Variants in RAI1 observed in about 807,000 individuals in gnomAD.
The protein encoded by RAI1 is retinoic acid-induced protein 1.
In RAI1, 9 loss-of-function variants were observed where a neutral mutation model predicts 123.8. The ratio of observed to expected loss-of-function variants is 0.07; its 90% CI spans 0.04 to 0.13. The LOEUF (loss-of-function observed/expected upper bound fraction) is 0.13. Among genes scored for constraint, RAI1 ranks in the 10% least tolerant of loss-of-function variants. RAI1 has a pLI of 1.00. For synonymous variants in RAI1, 1,231 were observed against 1,127.3 expected (o/e 1.09, Z -1.84); for missense variants, 2,256 against 2,545.8 (o/e 0.89, Z 2.45).
intron 2 of RAI1, among the ~76,000 whole-genome samples, chr17:17,752,342 C>A (rs974659376): frequency 2.6e-5 from 4 of 152,164 alleles, no homozygotes; most frequent in Admixed American, 2.0e-4. Context: ...AGGGGCGGGG[C>A]GGGGTGAGCG....
chr17:17,809,691 C>T lies in RAI1; in HGVS notation c.5709+252C>T, dbSNP rs1478971361. Among the ~76,000 whole-genome samples, 4 of 152,204 alleles carry T rather than the reference C, an allele frequency of 2.6e-5. No homozygotes were observed. The highest frequency in any genetic ancestry group is 1.9e-4 in the East Asian group (1 of 5,146). On this transcript the variant is annotated intron_variant, in intron 5 of 5. Coordinates refer to ENST00000353383, the MANE Select transcript of RAI1 (RefSeq NM_030665.4). The surrounding 1 kb of genome is among the most constrained non-coding windows in gnomAD (Gnocchi z 4.9). ...GCATGGGCAGCCAGGGGCTGGAGGG[C>T]GTCCCTGGGACGGCCTCCCTGCAGC...
intron 2 of RAI1, among the ~76,000 whole-genome samples, chr17:17,743,893 C>A (rs889119946): frequency 5.3e-5 from 8 of 152,224 alleles, no homozygotes; most frequent in Non-Finnish European, 1.2e-4. Flanking sequence ...CACTCTGCAG[C>A]CCCTGGCTGG....
chr17:17,763,980 G>T (rs2030814419), intron 2 of RAI1, among the ~76,000 whole-genome samples: 1 of 152,254 alleles, frequency 6.6e-6, no homozygotes, highest in East Asian at 1.9e-4. Flanking sequence ...GTGTACAGAT[G>T]CATGGAGCTT....
Position 17,795,685 on chromosome 17 carries a change from G to A in RAI1, c.2737G>A (p.Gly913Ser), listed in dbSNP as rs770243642. ...GGAGGAGGTGCTGGACTCCAAGGCC[G>A]GCTGGGGCTCTCCGTGCCACCTCTC... is the stretch of plus-strand genomic sequence containing the variant. The part of the protein sequence containing the change: ...EVEEVLDSKA[G>S]WGSPCHLSGE... The change falls in exon 3 of 6, where the codon GGC becomes AGC. Residue 913 changes from glycine (G) to serine (S), a missense_variant. By Grantham distance (56) the Gly-to-Ser change is moderately conservative. Transcript: ENST00000353383. This position sits in a 1 kb window ranked among gnomAD's most constrained non-coding sequence, Gnocchi z 5.9. 1.3e-5 allele frequency: 21 copies of A among 1,613,160 alleles called. No homozygotes were observed. The highest frequency in any genetic ancestry group is 7.7e-5 in the South Asian group (7 of 91,088).
intron 1 of RAI1, among the ~76,000 whole-genome samples, chr17:17,690,061 C>A (rs1914784992): frequency 6.6e-6 from 1 of 152,092 alleles, no homozygotes; most frequent in African/African-American, 2.4e-5. Flanking sequence ...CCGCCTTTGT[C>A]TGGCGCCAGG....
At chr17:17,691,388 C>T (rs1914832358) in intron 1 of RAI1, among the ~76,000 whole-genome samples, 1 of 152,178 alleles carries the variant, frequency 6.6e-6, no homozygotes, top group African/African-American at 2.4e-5. Context: ...GAGCCCCTGC[C>T]CGTTTGAAGC....
chr17:17,781,533 GGAGGGTAGTCT>G (rs1323584284), intron 2 of RAI1, among the ~76,000 whole-genome samples: 1 of 152,176 alleles, frequency 6.6e-6, no homozygotes, highest in Non-Finnish European at 1.5e-5. Flanking sequence ...GACTGGGGGC[GGAGGGTAGTCT>G]GAGCTGCTGG....
rs377342940 is a variant in RAI1, at chr17:17,793,143, G to A, written c.195G>A (p.Thr65=). 2.0e-5 allele frequency: 32 copies of A among 1,613,582 alleles called. No individual in the cohort carries two copies. The highest frequency in any genetic ancestry group is 1.9e-4 in the African/African-American group (14 of 74,936). ...PYPSYEGGAG[T]PSGTAAAVAA... ...CGAGCTATGAGGGTGGCGCTGGCACGCCCTCTGGCACTGCAGCCGCGGTGG... is the reference window on the plus strand; with the variant it reads ...CGAGCTATGAGGGTGGCGCTGGCACACCCTCTGGCACTGCAGCCGCGGTGG... Residue 65 remains threonine, a synonymous_variant, in exon 3 of 6, where the codon ACG becomes ACA. Coordinates refer to ENST00000353383, the MANE Select transcript of RAI1 (RefSeq NM_030665.4).
At chr17:17,764,704 T>C (rs775779757) in intron 2 of RAI1, among the ~76,000 whole-genome samples, 15 of 152,136 alleles carry the variant, frequency 9.9e-5, no homozygotes, top group Non-Finnish European at 2.1e-4. Context: ...CCTCAAGATA[T>C]CTGCTTACCT....
intron 1 of RAI1, among the ~76,000 whole-genome samples, chr17:17,691,328 G>T (rs556205777): frequency 7.2e-5 from 11 of 152,226 alleles, no homozygotes; most frequent in Admixed American, 2.0e-4. Flanking sequence ...ATGTCCATGT[G>T]CCGAGGGTTG....
At chr17:17,758,067 CG>C (rs1341880815) in intron 2 of RAI1, among the ~76,000 whole-genome samples, 1 of 152,234 alleles carries the variant, frequency 6.6e-6, no homozygotes, top group Admixed American at 6.5e-5. Flanking sequence ...CGGCTTAGAA[CG>C]TAAGGCATCA....
At chr17:17,808,144 G>A (rs2032631033) in intron 4 of RAI1, among the ~76,000 whole-genome samples, 1 of 152,132 alleles carries the variant, frequency 6.6e-6, no homozygotes, top group African/African-American at 2.4e-5. Context: ...CTTTGGGGGA[G>A]GGGAGCCGAG....
chr17:17,727,548 G>A (rs910604659), intron 2 of RAI1, among the ~76,000 whole-genome samples: 2 of 152,202 alleles, frequency 1.3e-5, no homozygotes, highest in African/African-American at 4.8e-5. Flanking sequence ...GGCGGCTACA[G>A]GCTCCCTGTT....
chr17:17,780,272 G>T (rs1283076018), intron 2 of RAI1, among the ~76,000 whole-genome samples: 2 of 151,904 alleles, frequency 1.3e-5, no homozygotes, highest in Admixed American at 1.3e-4. Context: ...CAACATGTTT[G>T]CCAGGCTGGT....
intron 2 of RAI1, among the ~76,000 whole-genome samples, chr17:17,742,522 A>G (rs1916675626): frequency 2.0e-5 from 3 of 152,342 alleles, no homozygotes; most frequent in South Asian, 4.1e-4. Flanking sequence ...CTAACCTCCA[A>G]CCAACCCCAC....
intron 2 of RAI1, among the ~76,000 whole-genome samples, chr17:17,746,538 C>T (rs1427131147): frequency 3.3e-5 from 5 of 152,070 alleles, no homozygotes; most frequent in Admixed American, 6.5e-5. Flanking sequence ...TAAGAAGCCT[C>T]GGTCACTGCC....
At chr17:17,763,432 G>A (rs574974221) in intron 2 of RAI1, among the ~76,000 whole-genome samples, 9 of 152,310 alleles carry the variant, frequency 5.9e-5, no homozygotes, top group South Asian at 4.1e-4. Flanking sequence ...ACTGATACAC[G>A]CCCGCCCTCA....
chr17:17,792,245 C>T (rs1199450542), intron 2 of RAI1, among the ~76,000 whole-genome samples: 2 of 152,174 alleles, frequency 1.3e-5, no homozygotes, highest in Admixed American at 6.5e-5. Context: ...AGCCCCTAAT[C>T]GATGTCTGCT....
intron 1 of RAI1, among the ~76,000 whole-genome samples, chr17:17,688,995 G>A (rs563702932): frequency 4.5e-4 from 67 of 150,306 alleles, no homozygotes; most frequent in African/African-American, 1.6e-3. Context: ...TTGCTCTGTC[G>A]CCCAGACTGG....
Sources: allele counts gnomAD v4.1 joint callset (sites outside exome capture counted in the v4.1 genomes callset), GRCh38; gene constraint gnomAD v4.1.1; non-coding constraint Gnocchi (gnomAD v3.1); transcripts MANE v1.5; gene names NCBI Gene and HGNC (gene_info 2026-07-23, HGNC 2026-07-21).